The following INSC variants were observed in gnomAD, a reference collection of about 807,000 sequenced individuals.
INSC encodes protein inscuteable homolog.
INSC carries 67 observed loss-of-function variants against 58.6 expected under a neutral mutation model. The ratio of observed to expected loss-of-function variants is 1.14; its 90% CI spans 0.94 to 1.40. INSC has a LOEUF of 1.40. Ranked by LOEUF, INSC falls within the 40% of genes most tolerant of loss-of-function variation. INSC has a pLI of 0.00. For synonymous variants in INSC, 262 were observed against 276.1 expected (o/e 0.95, Z 0.51); for missense variants, 714 against 692.0 (o/e 1.03, Z -0.36).
intron 6 of INSC, among the ~76,000 whole-genome samples, chr11:15,193,415 G>C (rs185401529): frequency 1.2e-4 from 19 of 152,114 alleles, no homozygotes; most frequent in African/African-American, 4.6e-4. Flanking sequence ...TTTACTTTAG[G>C]TATTTCTCCT....
At chr11:15,215,451 C>T (rs1851178363) in intron 7 of INSC, among the ~76,000 whole-genome samples, 1 of 152,220 alleles carries the variant, frequency 6.6e-6, no homozygotes, top group Admixed American at 6.5e-5. Flanking sequence ...CCCCTGCTCA[C>T]CTGGCCCTTT....
At chr11:15,228,400 T>A (rs1371764316) in intron 9 of INSC, among the ~76,000 whole-genome samples, 2 of 152,202 alleles carry the variant, frequency 1.3e-5, no homozygotes, top group African/African-American at 4.8e-5. Context: ...TCTCTGCACC[T>A]GGAGTCGGTA....
At chr11:15,243,779 T>C (rs772735404) in intron 12 of INSC, among the ~76,000 whole-genome samples, 1 of 152,014 alleles carries the variant, frequency 6.6e-6, no homozygotes, top group Non-Finnish European at 1.5e-5. Flanking sequence ...CTCCTTTCTC[T>C]CCTTCTCTAC....
intron 1 of INSC, among the ~76,000 whole-genome samples, chr11:15,137,012 C>G (rs1848259965): frequency 6.6e-6 from 1 of 152,182 alleles, no homozygotes; most frequent in African/African-American, 2.4e-5. Flanking sequence ...GTCAAAATTA[C>G]TCCTTGATTC....
At chr11:15,233,515 C>T (rs148370319) in intron 9 of INSC, among the ~76,000 whole-genome samples, 67 of 152,300 alleles carry the variant, frequency 4.4e-4, no homozygotes, top group African/African-American at 1.5e-3. Context: ...TTGAATACTT[C>T]ATCTGCACCT....
At chr11:15,224,254 T>G (rs1410342468) in intron 8 of INSC, among the ~76,000 whole-genome samples, 2 of 152,238 alleles carry the variant, frequency 1.3e-5, no homozygotes, top group African/African-American at 4.8e-5. Flanking sequence ...ATTCAGCTAG[T>G]TGTAAATGTG....
intron 8 of INSC, 61 bp from the exon 9 acceptor site, chr11:15,225,589 T>G: frequency 3.3e-6 from 5 of 1,514,434 alleles, no homozygotes; most frequent in Non-Finnish European, 4.5e-6. Flanking sequence ...GTGAACCAAA[T>G]GAGACAAGTG....
At chr11:15,169,593 G>A (rs1849322588) in intron 2 of INSC, among the ~76,000 whole-genome samples, 1 of 151,456 alleles carries the variant, frequency 6.6e-6, no homozygotes, top group Non-Finnish European at 1.5e-5. Flanking sequence ...CCAGGCTGGA[G>A]TGTAGTGGTA....
chr11:15,267,874 G>A, the INSC span, among the ~76,000 whole-genome samples: 1 of 151,882 alleles, frequency 6.6e-6, no homozygotes, highest in Non-Finnish European at 1.5e-5. Flanking sequence ...AAATATTTTT[G>A]AACTTTGTGT....
At chr11:15,146,375 T>G (rs940335897) in intron 1 of INSC, among the ~76,000 whole-genome samples, 4 of 152,150 alleles carry the variant, frequency 2.6e-5, no homozygotes, top group Non-Finnish European at 5.9e-5. Flanking sequence ...ATCTTATCCT[T>G]TTGGGGCAAA....
intron 1 of INSC, among the ~76,000 whole-genome samples, chr11:15,120,276 G>C (rs1349752813): frequency 2.0e-5 from 3 of 152,138 alleles, no homozygotes; most frequent in Non-Finnish European, 2.9e-5. Flanking sequence ...CAAGGCGCTG[G>C]GGGTAGAGGT....
At chr11:15,121,116 G>A (rs1847861937) in intron 1 of INSC, among the ~76,000 whole-genome samples, 1 of 151,832 alleles carries the variant, frequency 6.6e-6, no homozygotes, top group African/African-American at 2.4e-5. Flanking sequence ...GAGACATGAT[G>A]CCTCTTTAGC....
intron 6 of INSC, among the ~76,000 whole-genome samples, chr11:15,199,236 A>T (rs927060534): frequency 2.6e-5 from 4 of 152,220 alleles, no homozygotes; most frequent in African/African-American, 9.7e-5. Flanking sequence ...GCCCTAAGTT[A>T]TGCCCTTTCA....
intron 6 of INSC, among the ~76,000 whole-genome samples, chr11:15,195,920 G>A (rs1272040862): frequency 6.6e-6 from 1 of 152,200 alleles, no homozygotes; most frequent in Non-Finnish European, 1.5e-5. Context: ...GGAAAAGTAA[G>A]GGTGCAATTT....
chr11:15,213,822 G>A (rs1057060516), intron 7 of INSC, among the ~76,000 whole-genome samples: 8 of 152,012 alleles, frequency 5.3e-5, no homozygotes, highest in African/African-American at 1.7e-4. Flanking sequence ...CTTGTTTGAC[G>A]TAGCAAAAGA....
chr11:15,149,362 A>T, intron 2 of INSC, 132 bp downstream of exon 2: 2 of 896,594 alleles, frequency 2.2e-6, no homozygotes, highest in Non-Finnish European at 3.1e-6. Flanking sequence ...TGCCGAGCAT[A>T]AGGTATTGGG....
intron 2 of INSC, among the ~76,000 whole-genome samples, chr11:15,151,870 C>T (rs1848662267): frequency 6.6e-6 from 1 of 152,164 alleles, no homozygotes; most frequent in Non-Finnish European, 1.5e-5. Context: ...CCTTCTATAA[C>T]TTACCTAGCC....
rs1238478069 is a variant in INSC, at chr11:15,246,307, G to T, written c.*267G>T. The T allele has an allele frequency of 3.7e-6, 1 of 266,826 alleles. No homozygotes were observed. The highest frequency in any genetic ancestry group is 7.2e-6 in the Non-Finnish European group (1 of 138,760). The allele number at this position is 266,826 out of a possible 1,614,324, so 16.5% of individuals were successfully genotyped here. ...TTCGTAATGACAAATATGACAAATTGTCATGGGTGATTCCACTTCATCTTA... is the reference window on the plus strand; with the variant it reads ...TTCGTAATGACAAATATGACAAATTTTCATGGGTGATTCCACTTCATCTTA... On this transcript the variant is annotated 3_prime_UTR_variant, in exon 13 of 13. Transcript: ENST00000379556.
At chr11:15,235,832 G>T (rs1452740212) in intron 10 of INSC, among the ~76,000 whole-genome samples, 164 bp downstream of exon 10, 1 of 151,986 alleles carries the variant, frequency 6.6e-6, no homozygotes, top group East Asian at 1.9e-4. Flanking sequence ...GAGGTGGGCG[G>T]ATCAACTGAG....
Sources: gnomAD v4.1 joint callset for allele counts (sites outside exome capture counted in the v4.1 genomes callset) on GRCh38, gnomAD v4.1.1 for gene constraint, MANE v1.5 for transcripts, NCBI Gene and HGNC (gene_info 2026-07-23, HGNC 2026-07-21) for gene names.